The following TCF12 variants were observed in gnomAD, a reference collection of about 807,000 sequenced individuals.
TCF12 encodes the protein transcription factor 12, also known as DNA-binding protein HTF4.
Under a neutral mutation model 86.0 loss-of-function variants are expected in TCF12, and 45 were observed. That is an observed-to-expected ratio of 0.52 (90% CI 0.41 to 0.67). The LOEUF (loss-of-function observed/expected upper bound fraction) is 0.67, where lower values mean the gene tolerates loss of function less well. TCF12 is among the 30% of genes least tolerant of loss of function. TCF12 has a pLI of 0.00. For missense variants in TCF12, 881 were observed against 859.9 expected (o/e 1.02, Z -0.31); for synonymous variants, 330 against 299.6 (o/e 1.10, Z -1.05).
At chr15:56,925,208 C>CA (rs372334381) in intron 3 of TCF12, among the ~76,000 whole-genome samples, 5,901 of 149,988 alleles carry the variant, frequency 0.039, 174 homozygotes, top group Non-Finnish European at 0.059. Context: ...TCTCCAAAAA[C>CA]AAAAAAAAAC....
At chr15:57,187,608 CA>C (rs2056751095) in intron 6 of TCF12, among the ~76,000 whole-genome samples, 1 of 152,064 alleles carries the variant, frequency 6.6e-6, no homozygotes, top group Non-Finnish European at 1.5e-5. Flanking sequence ...CCACGTAACC[CA>C]CAGGCTGTGG....
At chr15:56,990,752 A>G (rs2063413106) in intron 3 of TCF12, among the ~76,000 whole-genome samples, 1 of 151,630 alleles carries the variant, frequency 6.6e-6, no homozygotes, top group South Asian at 2.1e-4. Flanking sequence ...TGACCAGAAC[A>G]CCTACGTTAA....
chr15:57,239,706 A>T (rs1207186141), intron 12 of TCF12, among the ~76,000 whole-genome samples: 1 of 151,642 alleles, frequency 6.6e-6, no homozygotes, highest in Non-Finnish European at 1.5e-5. Flanking sequence ...AATTGTGGAT[A>T]TCGGTGTCTC....
downstream of TCF12, among the ~76,000 whole-genome samples, chr15:57,290,270 G>A (rs2062054746): frequency 6.6e-6 from 1 of 150,906 alleles, no homozygotes; most frequent in South Asian, 2.1e-4. Flanking sequence ...TTGAACCCGG[G>A]AGGTGGAGGT....
chr15:56,966,631 C>T (rs377711730), intron 3 of TCF12, among the ~76,000 whole-genome samples: 5 of 152,166 alleles, frequency 3.3e-5, no homozygotes, highest in Non-Finnish European at 5.9e-5. Flanking sequence ...ACCAGATACA[C>T]GGACTGTTGT....
intron 13 of TCF12, chr15:57,248,109 G>A: frequency 2.8e-6 from 2 of 702,308 alleles, no homozygotes; most frequent in Non-Finnish European, 5.2e-6. Flanking sequence ...TTTCTTTTGA[G>A]AGTCTTTTAA....
At chr15:57,243,667 A>G in intron 13 of TCF12, 117 bp downstream of exon 13, 2 of 855,698 alleles carry the variant, frequency 2.3e-6, no homozygotes, top group Non-Finnish European at 3.7e-6. Context: ...GATTTTGACT[A>G]TAAGAAAGTG....
At chr15:57,234,448 G>A (rs2059299063) in intron 12 of TCF12, among the ~76,000 whole-genome samples, 1 of 152,098 alleles carries the variant, frequency 6.6e-6, no homozygotes, top group Non-Finnish European at 1.5e-5. Context: ...AGAGAATGAA[G>A]TACCTTTATA....
chr15:57,233,481 T>C (rs1298043048), intron 11 of TCF12, among the ~76,000 whole-genome samples: 4 of 152,002 alleles, frequency 2.6e-5, no homozygotes, highest in African/African-American at 7.2e-5. Flanking sequence ...CGTGGCCTCT[T>C]TTTTTATTTT....
At chr15:56,958,221 G>C (rs2048730047) in intron 3 of TCF12, among the ~76,000 whole-genome samples, 1 of 152,156 alleles carries the variant, frequency 6.6e-6, no homozygotes, top group Admixed American at 6.5e-5. Flanking sequence ...CAGTGAGTCT[G>C]TCAGTCTCCC....
At chr15:56,999,223 G>A (rs567057715) in intron 3 of TCF12, among the ~76,000 whole-genome samples, 39 of 151,014 alleles carry the variant, frequency 2.6e-4, no homozygotes, top group South Asian at 6.3e-4. Context: ...AGGGGGGAGC[G>A]GGGAGAAACT....
rs2061950263 is a variant in TCF12, at chr15:57,286,817, TTGTG to T, written c.*673_*676del. On this transcript the variant is annotated 3_prime_UTR_variant, in exon 21 of 21. Transcript: ENST00000333725. ...TTTTTGATTTATTTTTATTTTCTCT[TTGTG>T]GGTGTTATATTTGATCTCTAAATCT... The T allele has an allele frequency of 2.6e-6, 1 of 377,790 alleles. No individual in the cohort carries two copies. The highest frequency in any genetic ancestry group is 5.2e-6 in the Non-Finnish European group (1 of 192,636). The allele number at this position is 377,790 out of a possible 1,614,324, so 23.4% of individuals were successfully genotyped here. A position where few individuals can be genotyped will look rare whatever the true frequency, so the allele number is the denominator to read the frequency against.
At position 57,232,813 on chromosome 15, in the gene TCF12, T is replaced by C. The variant is rs1399720676; in HGVS notation, c.927T>C (p.Ala309=). 3 of 1,612,088 alleles carry C rather than the reference T, an allele frequency of 1.9e-6. No individual in the cohort carries two copies. Among genetic ancestry groups the C allele is most frequent in the Non-Finnish European group, 1.7e-6 (2 of 1,179,042 alleles). Residue 309 remains alanine (A), a synonymous_variant, in exon 11 of 21, where the codon GCT becomes GCC. Coordinates refer to ENST00000333725, the MANE Select transcript of TCF12 (RefSeq NM_207037.2). ...GTACCAGCAGTTCACCTTACGTTGC[T>C]GCCTCACACACTCCTCCCATCAATG... is the stretch of plus-strand genomic sequence containing the variant. ...RGSTSSSPYV[A]ASHTPPINGS...
rs372235874 is a variant in TCF12, at chr15:56,990,151, CTTTTTTTT to C, written c.148+69065_148+69072del. Among the ~76,000 whole-genome samples the C allele has an allele frequency of 2.7e-4, 25 of 92,716 alleles. 1 individual carries two copies. The highest frequency in any genetic ancestry group is 0.02 in the Middle Eastern group (2 of 98). The allele number at this position is 92,716 out of a possible 152,430, so 60.8% of individuals were successfully genotyped here. A position where few individuals can be genotyped will look rare whatever the true frequency, so the allele number is the denominator to read the frequency against. ...CATTTATTTTTAGGCATAGTCTTGT[CTTTTTTTT>C]TTTTTTTTTTTGGTAAATATTATAC... is the stretch of plus-strand genomic sequence containing the variant. On this transcript the variant is annotated intron_variant, in intron 3 of 20. Coordinates refer to ENST00000333725, the MANE Select transcript of TCF12 (RefSeq NM_207037.2).
chr15:56,929,314 A>G (rs1247980640), intron 3 of TCF12, among the ~76,000 whole-genome samples: 2 of 152,184 alleles, frequency 1.3e-5, no homozygotes, highest in African/African-American at 2.4e-5. Context: ...TCAGGGGGAA[A>G]AATGGTTTTG....
At chr15:56,940,478 TCTCCTCCTC>T (rs770271452) in intron 3 of TCF12, among the ~76,000 whole-genome samples, 4 of 147,870 alleles carry the variant, frequency 2.7e-5, no homozygotes, top group African/African-American at 1.0e-4. Context: ...TTCTTCTTCT[TCTCCTCCTC>T]CTCCTCCTCC....
intron 5 of TCF12, among the ~76,000 whole-genome samples, chr15:57,101,304 C>G (rs950270193): frequency 2.0e-5 from 3 of 152,046 alleles, no homozygotes; most frequent in Admixed American, 1.3e-4. Context: ...TTCCCAGGCT[C>G]CAGTGATCCT....
At chr15:57,256,221 A>G (rs146626291) in intron 16 of TCF12, among the ~76,000 whole-genome samples, 231 of 152,332 alleles carry the variant, frequency 1.5e-3, no homozygotes, top group Middle Eastern at 3.4e-3. Flanking sequence ...TGAAATGAAG[A>G]TTAGTCTGCC....
At chr15:57,168,847 A>T (rs1412789341) in intron 6 of TCF12, among the ~76,000 whole-genome samples, 2 of 152,100 alleles carry the variant, frequency 1.3e-5, no homozygotes, top group Non-Finnish European at 2.9e-5. Flanking sequence ...GGAGTTTGAG[A>T]CCAGCCTGGC....
Sources: allele counts gnomAD v4.1 joint callset (sites outside exome capture counted in the v4.1 genomes callset), GRCh38; gene constraint gnomAD v4.1.1; transcripts MANE v1.5; gene names NCBI Gene and HGNC (gene_info 2026-07-23, HGNC 2026-07-21).